Variants in MYH1 observed in about 807,000 individuals in gnomAD.
The protein encoded by MYH1 is myosin-1.
MYH1 carries 214 observed loss-of-function variants against 225.6 expected under a neutral mutation model. That is an observed-to-expected ratio of 0.95 (90% CI 0.85 to 1.06). The LOEUF (loss-of-function observed/expected upper bound fraction) is 1.06. Ranked by LOEUF, MYH1 falls within the 50% of genes least tolerant of loss-of-function variation. The pLI is 0.00. For synonymous variants in MYH1, 774 were observed against 842.3 expected (o/e 0.92, Z 1.40); for missense variants, 2,098 against 2,344.2 (o/e 0.89, Z 2.17).
At chr17:10,502,592 A>G in intron 24 of MYH1, 146 bp downstream of exon 24, 1 of 1,227,300 alleles carries the variant, frequency 8.1e-7, no homozygotes, top group South Asian at 1.4e-5. Context: ...TGTACATCTT[A>G]GACCTTGTAA....
intron 38 of MYH1, 53 bp downstream of exon 38, chr17:10,494,516 C>G: frequency 6.2e-7 from 1 of 1,610,600 alleles, no homozygotes; most frequent in Non-Finnish European, 8.5e-7. Flanking sequence ...ATACATATGA[C>G]TTTTAATCCC....
rs766830465 is a variant in MYH1 at position 10,505,420 on chromosome 17, C to G, written c.2266G>C (p.Asp756His). The G allele has an allele frequency of 6.2e-7, 1 of 1,614,196 alleles. No homozygotes were observed. Among genetic ancestry groups the G allele is most frequent in the African/African-American group, 1.3e-5 (1 of 75,060 alleles). The change falls in exon 20 of 40, where the codon GAC (aspartate) becomes CAC (histidine). Residue 756 changes from aspartate (D) to histidine (H), a missense_variant. Coordinates refer to ENST00000226207, the MANE Select transcript of MYH1 (RefSeq NM_005963.4). ...TGACCAAATTTATACTGGGTGTGGT[C>G]AATGTCAATGGACCCCAGGAGCTTC... is the stretch of plus-strand genomic sequence containing the variant. Reference protein sequence around the residue: ...SEKLLGSIDIDHTQYKFGHTK... With the variant: ...SEKLLGSIDIHHTQYKFGHTK...
rs534377341 is a variant in MYH1, at chr17:10,494,387, C to T, written c.5634G>A (p.Lys1878=). 6.2e-6 allele frequency: 10 copies of T among 1,614,194 alleles called. No individual in the cohort carries two copies. Among genetic ancestry groups the T allele is most frequent in the Middle Eastern group, 1.6e-4 (1 of 6,062 alleles). ...CAGCTTGTCTCTTGTAGGATTTCAC[C>T]TTTGCTTGCAGTTTGTCCACCAGGT... ...LQDLVDKLQA[K]VKSYKRQAEE... Residue 1878 remains lysine (K), a synonymous_variant, in exon 39 of 40, where the codon AAG becomes AAA. Transcript: ENST00000226207.
intron 11 of MYH1, 57 bp downstream of exon 11, chr17:10,512,624 T>C (rs955279650): frequency 3.7e-6 from 6 of 1,610,074 alleles, no homozygotes; most frequent in Non-Finnish European, 5.1e-6. Flanking sequence ...TATAGATGGC[T>C]GTTATTGCCA....
chr17:10,503,609 G>A (rs1347156309), intron 22 of MYH1, among the ~76,000 whole-genome samples: 1 of 152,102 alleles, frequency 6.6e-6, no homozygotes, highest in African/African-American at 2.4e-5. Flanking sequence ...GGGAGAGAAG[G>A]GTACTATCAG....
At chr17:10,502,689 AGTTT>A (rs749449726) in intron 24 of MYH1, 45 bp downstream of exon 24, 23 of 1,613,108 alleles carry the variant, frequency 1.4e-5, no homozygotes, top group South Asian at 4.4e-5. Context: ...ATGCTTACTT[AGTTT>A]GTTACAAAAT....
chr17:10,495,154 A>G (rs763101496), intron 36 of MYH1, 38 bp downstream of exon 36: 2 of 1,614,072 alleles, frequency 1.2e-6, no homozygotes, highest in East Asian at 2.2e-5. Flanking sequence ...GCACATTAAG[A>G]TTTAAGTTTG....
Position 10,508,394 on chromosome 17 carries a change from G to A in MYH1, c.1866C>T (p.Leu622=), listed in dbSNP as rs1161204373. Residue 622 remains leucine (L), a synonymous_variant, in exon 16 of 40, where the codon CTC becomes CTT. Transcript: ENST00000226207. ...CCGCTCCCGTTGCCCCAACAAAGAG[G>A]AGAGCCAGAGTCTTCATTGCAGACT... ...YQKSAMKTLA[L]LFVGATGAEA... 1 of 1,609,392 alleles carries A rather than the reference G, an allele frequency of 6.2e-7. No homozygotes were observed. The highest frequency in any genetic ancestry group is 1.7e-4 in the Middle Eastern group (1 of 6,022).
In MYH1 at chr17:10,509,470, A is replaced by C. The variant is rs1237302703; in HGVS notation, c.1587+15T>G. The stretch of plus-strand genomic sequence containing the variant: ...TACAGCAGTATGATCTGTGGTCTGC[A>C]AAAAGCAAGCCAACCTTCTCGATGA... On this transcript the variant is annotated intron_variant, in intron 15 of 39. Transcript: ENST00000226207. 1.2e-6 allele frequency: 2 copies of C among 1,614,024 alleles called. No homozygotes were observed. Among genetic ancestry groups the C allele is most frequent in the African/African-American group, 2.7e-5 (2 of 74,924 alleles).
chr17:10,514,709 C>G (rs1466517342), intron 6 of MYH1, among the ~76,000 whole-genome samples, 159 bp downstream of exon 6: 1 of 152,166 alleles, frequency 6.6e-6, no homozygotes, highest in African/African-American at 2.4e-5. Flanking sequence ...ATTTTACATT[C>G]TAATGCAATG....
intron 35 of MYH1, 38 bp from the exon 36 acceptor site, chr17:10,495,355 G>A (rs1448892244): frequency 1.9e-6 from 3 of 1,609,970 alleles, no homozygotes; most frequent in Non-Finnish European, 2.5e-6. Flanking sequence ...TTAGGCACAT[G>A]AGAGAAAAAT....
At chr17:10,517,929 A>G (rs1482190546) in intron 2 of MYH1, among the ~76,000 whole-genome samples, 1 of 152,240 alleles carries the variant, frequency 6.6e-6, no homozygotes, top group Admixed American at 6.5e-5. Context: ...TTGAAATGTT[A>G]CATTGCATAT....
rs766070255 is a variant in MYH1, at chr17:10,512,151, C to A, written c.1189G>T (p.Asp397Tyr). 1 of 1,614,198 alleles carries A rather than the reference C, an allele frequency of 6.2e-7. No individual in the cohort carries two copies. The highest frequency in any genetic ancestry group is 8.5e-7 in the Non-Finnish European group (1 of 1,180,026). Residue 397 changes from aspartate to tyrosine, a missense_variant, in exon 13 of 40, where the codon GAT becomes TAT. By Grantham distance (160) the Asp-to-Tyr change is radical. Transcript: ENST00000226207. The stretch of plus-strand genomic sequence containing the variant: ...GGGTAGCAGAGGGCTTTGAGCAGAT[C>A]TGCAGAGTTCAGATTTTGGAGATAG... ...AAYLQNLNSA[D>Y]LLKALCYPRV...
intron 37 of MYH1, 90 bp from the exon 38 acceptor site, chr17:10,494,763 T>A: frequency 6.3e-7 from 1 of 1,586,688 alleles, no homozygotes; most frequent in Non-Finnish European, 8.6e-7. Flanking sequence ...CTGCTTTATA[T>A]GTAGTTTTTA....
At chr17:10,510,803 G>T (rs2073163338) in intron 14 of MYH1, among the ~76,000 whole-genome samples, 1 of 152,098 alleles carries the variant, frequency 6.6e-6, no homozygotes, top group South Asian at 2.1e-4. Context: ...GGACAAAATA[G>T]AATTTCCTGT....
rs61289668 is a variant in MYH1, at chr17:10,517,712, ATG to A, written c.-41+526_-41+527del. 8.0e-3 allele frequency among the ~76,000 whole-genome samples: 1,204 copies of A among 150,986 alleles called. 8 individuals carry two copies. Among genetic ancestry groups the A allele is most frequent in the Non-Finnish European group, 9.0e-3 (612 of 67,650 alleles). On this transcript the variant is annotated intron_variant, in intron 2 of 39. Transcript: ENST00000226207. ...GTATTGTGTGTGTGTATATATACAT[ATG>A]TGTGTGTGTGTGTGTATATATTCGT...
intron 17 of MYH1, 25 bp downstream of exon 17, chr17:10,507,861 T>G: frequency 6.3e-7 from 1 of 1,593,396 alleles, no homozygotes. Context: ...TAAATCTAAT[T>G]AGACAGAGAA....
At position 10,516,449 on chromosome 17, in the gene MYH1, T is replaced by G. The variant is rs777670733; in HGVS notation, c.194A>C (p.Glu65Ala). Residue 65 changes from glutamate (E) to alanine (A), a missense_variant, in exon 3 of 40, where the codon GAA (glutamate) becomes GCA (alanine). By Grantham distance (107) the Glu-to-Ala change is moderately radical. Coordinates refer to ENST00000226207, the MANE Select transcript of MYH1 (RefSeq NM_005963.4). ...REGGKVTAKTEAGATVTVKDD... is the reference protein window; with the variant it reads ...REGGKVTAKTAAGATVTVKDD... ...GGTGTTTTTACTCACAGCTCCAGCT[T>G]CGGTCTTAGCTGTCACCTTCCCCCC... 96 of 1,614,088 alleles carry G rather than the reference T, an allele frequency of 5.9e-5. No homozygotes were observed. The highest frequency in any genetic ancestry group is 7.9e-5 in the Non-Finnish European group (93 of 1,180,058).
At chr17:10,501,529 C>G in intron 26 of MYH1, 30 bp from the exon 27 acceptor site, 1 of 1,614,204 alleles carries the variant, frequency 6.2e-7, no homozygotes, top group South Asian at 1.1e-5. Context: ...TTAATACGAA[C>G]TCAACTTCTT....
Sources: gnomAD v4.1 joint callset for allele counts (sites outside exome capture counted in the v4.1 genomes callset) on GRCh38, gnomAD v4.1.1 for gene constraint, MANE v1.5 for transcripts, NCBI Gene and HGNC (gene_info 2026-07-23, HGNC 2026-07-21) for gene names.